Variants in SLC37A1 observed in about 807,000 individuals in gnomAD.
SLC37A1 encodes solute carrier family 37 member 1, also known as glucose-6-phosphate exchanger SLC37A1.
A neutral mutation model predicts 75.3 loss-of-function variants in SLC37A1; 49 were observed. The observed-to-expected ratio is 0.65, with a 90% CI of 0.52 to 0.83. The LOEUF is 0.83. SLC37A1 is among the 40% of genes least tolerant of loss of function. SLC37A1 has a pLI of 0.00. For synonymous variants in SLC37A1, 268 were observed against 292.1 expected, an observed-to-expected ratio of 0.92 and a Z score of 0.84; for missense variants, 566 against 695.0, an observed-to-expected ratio of 0.81 and a Z score of 2.09.
rs1242098177 is a variant in SLC37A1, at chr21:42,539,528, C to T, written c.367C>T (p.Arg123Cys). The change falls in exon 6 of 20, where the codon CGC becomes TGC. Residue 123 changes from arginine (R) to cysteine (C), a missense_variant. Transcript: ENST00000352133. ...CCACCTCAGTGGCATCATTGGGGAG[C>T]GCCTGCCGATTAGGTATTACCTAAC... ...GMYLSGIIGE[R>C]LPIRYYLTFG... 3.1e-6 allele frequency: 5 copies of T among 1,612,446 alleles called. No individual in the cohort carries two copies. The highest frequency in any genetic ancestry group is 1.1e-5 in the South Asian group (1 of 90,838).
Position 42,554,982 on chromosome 21 carries a change from G to GGTTTTT in SLC37A1, c.849+840_849+841insGTTTTT, listed in dbSNP as rs368777229. Among the ~76,000 whole-genome samples, 9 of 116,594 alleles carry GGTTTTT rather than the reference G, an allele frequency of 7.7e-5. 3 individuals are homozygous for GGTTTTT. The highest frequency in any genetic ancestry group is 9.4e-5 in the African/African-American group (3 of 31,928). 76.5% of individuals were successfully genotyped at this position (116,594 alleles called of 152,430 possible). On this transcript the variant is annotated intron_variant, in intron 10 of 19. Coordinates refer to ENST00000352133, the MANE Select transcript of SLC37A1 (RefSeq NM_001320537.2). ...TTTTTGTTTGTTTGGTTGGTTGGTTGTTTTTTTTTTTTTTTTTTTTTGAGA... is the reference window on the plus strand; with the variant it reads ...TTTTTGTTTGTTTGGTTGGTTGGTTGGTTTTTTTTTTTTTTTTTTTTTTTTTTGAGA...
intron 3 of SLC37A1, among the ~76,000 whole-genome samples, chr21:42,532,050 T>A (rs895333213): frequency 2.6e-5 from 4 of 152,126 alleles, no homozygotes; most frequent in Non-Finnish European, 4.4e-5. Flanking sequence ...ACAGGCATTG[T>A]CATGCCAACT....
At chr21:42,539,187 A>G (rs2055213216) in intron 5 of SLC37A1, among the ~76,000 whole-genome samples, 1 of 152,220 alleles carries the variant, frequency 6.6e-6, no homozygotes, top group African/African-American at 2.4e-5. Context: ...GTTTATGTGA[A>G]AGCAGGATTA....
rs1181847451 is a variant in SLC37A1, at chr21:42,580,545, T to C, written c.*185T>C. 4.7e-6 allele frequency: 3 copies of C among 633,382 alleles called. No homozygotes were observed. Among genetic ancestry groups the C allele is most frequent in the Middle Eastern group, 8.4e-4 (2 of 2,370 alleles). The allele number at this position is 633,382 out of a possible 1,614,324, so 39.2% of individuals were successfully genotyped here. On this transcript the variant is annotated 3_prime_UTR_variant, in exon 20 of 20. Transcript: ENST00000352133. ...TGCTATTTTAAAGGAGACATATTGC[T>C]GAACAGCAGTGAGAAAAGTCTGCAG...
intron 12 of SLC37A1, 71 bp from the exon 13 acceptor site, chr21:42,563,744 C>A: frequency 6.9e-7 from 1 of 1,456,290 alleles, no homozygotes; most frequent in Non-Finnish European, 9.6e-7. Context: ...GGGTCCTGTT[C>A]TGCCATGGTG....
intron 10 of SLC37A1, among the ~76,000 whole-genome samples, chr21:42,557,155 C>G (rs750006355): frequency 6.6e-6 from 1 of 152,212 alleles, no homozygotes; most frequent in Non-Finnish European, 1.5e-5. Flanking sequence ...GCTAAGCGGC[C>G]TCGTTCCGCT....
At position 42,580,727 on chromosome 21, in the gene SLC37A1, C is replaced by T. The variant is rs1352277277; in HGVS notation, c.*367C>T. 5.7e-6 allele frequency: 2 copies of T among 349,972 alleles called. No individual in the cohort carries two copies. Among genetic ancestry groups the T allele is most frequent in the African/African-American group, 4.2e-5 (2 of 47,114 alleles). The allele number at this position is 349,972 out of a possible 1,614,324, so 21.7% of individuals were successfully genotyped here. ...CCCCGACCCTCTCAGGCATTCCAGC[C>T]ACAGAACATCAAAGTGAGCGAGTAC... On this transcript the variant is annotated 3_prime_UTR_variant, in exon 20 of 20. Transcript: ENST00000352133.
chr21:42,552,488 A>G lies in SLC37A1; in HGVS notation c.769-1574A>G, dbSNP rs939048031. On this transcript the variant is annotated intron_variant, in intron 9 of 19. Coordinates refer to ENST00000352133, the MANE Select transcript of SLC37A1 (RefSeq NM_001320537.2). The surrounding 1 kb of genome is among the most constrained non-coding windows in gnomAD (Gnocchi z 4.2). ...TTGTCTTTTCGTTCTTCCCCTGTGC[A>G]TGGCTTCATGCCAAAGGTGATATAT... Among the ~76,000 whole-genome samples, 1 of 152,230 alleles carries G rather than the reference A, an allele frequency of 6.6e-6. No individual in the cohort carries two copies. Among genetic ancestry groups the G allele is most frequent in the Non-Finnish European group, 1.5e-5 (1 of 68,040 alleles).
intron 6 of SLC37A1, among the ~76,000 whole-genome samples, 168 bp downstream of exon 6, chr21:42,539,815 T>C (rs2055230136): frequency 6.6e-6 from 1 of 152,210 alleles, no homozygotes; most frequent in African/African-American, 2.4e-5. Context: ...CTCTTCTGCT[T>C]AGAAATTCCA....
intron 2 of SLC37A1, among the ~76,000 whole-genome samples, chr21:42,507,711 C>T (rs1489959465): frequency 6.6e-6 from 1 of 152,152 alleles, no homozygotes; most frequent in Non-Finnish European, 1.5e-5. Context: ...GAGCAGGCCT[C>T]ACATAGTGAG....
intron 16 of SLC37A1, among the ~76,000 whole-genome samples, chr21:42,567,277 C>G (rs1055270119): frequency 6.6e-6 from 1 of 152,256 alleles, no homozygotes; most frequent in African/African-American, 2.4e-5. Context: ...CCGTTCAGCA[C>G]AACAAAAGGC....
intron 10 of SLC37A1, 30 bp from the exon 11 acceptor site, chr21:42,558,913 GCTGGTAACACCTTTC>G: frequency 6.2e-7 from 1 of 1,611,444 alleles, no homozygotes; most frequent in Non-Finnish European, 8.5e-7. Flanking sequence ...AGACTGCCCG[GCTGGTAACACCTTTC>G]CTTTTTGTTC....
rs1313091839 is a variant in SLC37A1, at chr21:42,541,863, T to G, written c.487-541T>G. On this transcript the variant is annotated intron_variant, in intron 6 of 19. Transcript: ENST00000352133. ...CTCAAGCAATCCTCCCATCTCAGCTTCTTGAGTAGCTTGGACCACAGGTGT... is the reference window on the plus strand; with the variant it reads ...CTCAAGCAATCCTCCCATCTCAGCTGCTTGAGTAGCTTGGACCACAGGTGT... Among the ~76,000 whole-genome samples the G allele has an allele frequency of 5.3e-5, 8 of 152,318 alleles. 1 individual carries two copies. The East Asian group carries it at 7.7e-4, about 15-fold the overall frequency.
At chr21:42,522,872 G>A (rs1479450653) in intron 2 of SLC37A1, among the ~76,000 whole-genome samples, 1 of 152,238 alleles carries the variant, frequency 6.6e-6, no homozygotes, top group Non-Finnish European at 1.5e-5. Flanking sequence ...GTGCTCCTCA[G>A]TGTTCTCAGG....
chr21:42,522,927 G>T (rs1453524346), intron 2 of SLC37A1, among the ~76,000 whole-genome samples: 5 of 152,222 alleles, frequency 3.3e-5, no homozygotes, highest in African/African-American at 7.2e-5. Flanking sequence ...GAGTCACCCC[G>T]CAGAGGAAGG....
intron 17 of SLC37A1, among the ~76,000 whole-genome samples, 155 bp from the exon 18 acceptor site, chr21:42,574,663 C>T (rs980251385): frequency 6.6e-6 from 1 of 152,118 alleles, no homozygotes; most frequent in African/African-American, 2.4e-5. Flanking sequence ...GCCTTGTACC[C>T]GCTCCCAATC....
rs2055389820 is a variant in SLC37A1 at position 42,545,671 on chromosome 21, T to C, written c.731-1432T>C. ...GAAGGTGAAAGTCCAGGAAGAGCCATATCAGGGGAAGCCCCTGGCTTACCC... is the reference window on the plus strand; with the variant it reads ...GAAGGTGAAAGTCCAGGAAGAGCCACATCAGGGGAAGCCCCTGGCTTACCC... On this transcript the variant is annotated intron_variant, in intron 8 of 19. Transcript: ENST00000352133. The surrounding 1 kb of genome is among the most constrained non-coding windows in gnomAD (Gnocchi z 4.0). 6.6e-6 allele frequency among the ~76,000 whole-genome samples: 1 copy of C among 152,184 alleles called. No homozygotes were observed. Among genetic ancestry groups the C allele is most frequent in the Non-Finnish European group, 1.5e-5 (1 of 68,014 alleles).
At chr21:42,502,953 T>C (rs2054353564) in intron 2 of SLC37A1, 1 of 152,198 alleles carries the variant, frequency 6.6e-6, no homozygotes, top group Non-Finnish European at 1.5e-5. Context: ...AAACCAATAA[T>C]CTCACTTCCC....
chr21:42,579,636 C>A, intron 18 of SLC37A1, 100 bp from the exon 19 acceptor site: 1 of 1,063,968 alleles, frequency 9.4e-7, no homozygotes, highest in Non-Finnish European at 1.3e-6. Context: ...GAGAGAGCCA[C>A]CCGCCCAGGC....
Sources: gnomAD v4.1 joint callset for allele counts (sites outside exome capture counted in the v4.1 genomes callset) on GRCh38, gnomAD v4.1.1 for gene constraint, Gnocchi (gnomAD v3.1) non-coding constraint, MANE v1.5 for transcripts, NCBI Gene and HGNC (gene_info 2026-07-23, HGNC 2026-07-21) for gene names.